NQO2: variants seen among roughly 807,000 people sequenced by gnomAD.
NQO2 encodes ribosyldihydronicotinamide dehydrogenase [quinone].
NQO2 carries 18 observed loss-of-function variants against 22.0 expected under a neutral mutation model. The observed-to-expected ratio is 0.82, with a 90% CI of 0.56 to 1.21. The LOEUF is 1.21. Ranked by LOEUF, NQO2 falls within the 50% of genes most tolerant of loss-of-function variation. The pLI, the probability that NQO2 is intolerant of heterozygous loss-of-function variation, is 0.00. For missense variants in NQO2, 267 were observed against 286.9 expected, an observed-to-expected ratio of 0.93 and a Z score of 0.50; for synonymous variants, 106 against 110.8, an observed-to-expected ratio of 0.96 and a Z score of 0.28.
At chr6:3,016,115 A>G (rs1446965319) in intron 5 of NQO2, among the ~76,000 whole-genome samples, 2 of 152,210 alleles carry the variant, frequency 1.3e-5, no homozygotes, top group African/African-American at 4.8e-5. Flanking sequence ...CACATGTGGT[A>G]GCTATGAATT....
chr6:3,006,416 C>A lies in NQO2; in HGVS notation c.-85-52C>A. The A allele has an allele frequency of 6.6e-7, 1 of 1,508,332 alleles. No individual in the cohort carries two copies. The highest frequency in any genetic ancestry group is 2.5e-5 in the East Asian group (1 of 40,014). 93.4% of individuals were successfully genotyped at this position (1,508,332 alleles called of 1,614,324 possible). A position where few individuals can be genotyped will look rare whatever the true frequency, so the allele number is the denominator to read the frequency against. On this transcript the variant is annotated intron_variant, in intron 1 of 6. Transcript: ENST00000380455. This position sits in a 1 kb window ranked among gnomAD's most constrained non-coding sequence, Gnocchi z 4.0. ...CAGTGATGCCTAGATGTGGTACATT[C>A]GACCTCACCTATGCCTCTCCCCACC... is the stretch of plus-strand genomic sequence containing the variant.
At chr6:3,002,554 C>T (rs1053373374) in intron 1 of NQO2, among the ~76,000 whole-genome samples, 3 of 152,222 alleles carry the variant, frequency 2.0e-5, no homozygotes, top group South Asian at 4.1e-4. Context: ...AGGTGATCCC[C>T]CCACCTCGGC....
At position 3,017,025 on chromosome 6, in the gene NQO2, C is replaced by CGCACACACAGACACACACAT. The variant is rs1212166750; in HGVS notation, c.519+48_519+67dup. The stretch of plus-strand genomic sequence containing the variant: ...AGTGGCTCCCTTGCTTGTTGGCACA[C>CGCACACACAGACACACACAT]GCACACACAGACACACACATGCACA... On this transcript the variant is annotated intron_variant, in intron 6 of 6. Coordinates refer to ENST00000380455, the MANE Select transcript of NQO2 (RefSeq NM_000904.6). 9 of 1,603,592 alleles carry CGCACACACAGACACACACAT rather than the reference C, an allele frequency of 5.6e-6. No homozygotes were observed. In the East Asian group the frequency reaches 1.8e-4, roughly 32 times the overall value.
At chr6:3,005,811 A>G (rs1756932851) in intron 1 of NQO2, 5 of 985,306 alleles carry the variant, frequency 5.1e-6, no homozygotes, top group African/African-American at 1.7e-5. Context: ...CTTCTGGGCC[A>G]TGCTGTGACT....
rs576356635 is a variant in NQO2, at chr6:3,010,904, G to C, written c.172+715G>C. ...GTTACTAGAGCTGAGGCAAACGTGG[G>C]CATAAACCACCATCTAGTGCCAAAA... On this transcript the variant is annotated intron_variant, in intron 3 of 6. Coordinates refer to ENST00000380455, the MANE Select transcript of NQO2 (RefSeq NM_000904.6). Among the ~76,000 whole-genome samples, 14 of 151,782 alleles carry C rather than the reference G, an allele frequency of 9.2e-5. No individual in the cohort carries two copies. The South Asian group carries it at 2.1e-3, about 23-fold the overall frequency.
At chr6:3,004,569 G>A (rs915278309) in intron 1 of NQO2, 11 of 985,520 alleles carry the variant, frequency 1.1e-5, no homozygotes, top group Non-Finnish European at 1.2e-5. Flanking sequence ...CCCCAGCCCT[G>A]TGCCTGTGCT....
At chr6:3,010,001 G>T in intron 2 of NQO2, 24 bp from the exon 3 acceptor site, 1 of 1,593,324 alleles carries the variant, frequency 6.3e-7, no homozygotes, top group South Asian at 1.1e-5. Context: ...TCTTCAAGAG[G>T]AACTGTTTCT....
chr6:3,018,871 CAAA>C (rs541061811), intron 6 of NQO2, among the ~76,000 whole-genome samples: 1 of 140,250 alleles, frequency 7.1e-6, no homozygotes. Context: ...ATATTATGGC[CAAA>C]AAAAAAAGAG....
chr6:3,003,344 G>C (rs1756804715), intron 1 of NQO2, among the ~76,000 whole-genome samples: 1 of 151,024 alleles, frequency 6.6e-6, no homozygotes, highest in African/African-American at 2.5e-5. Flanking sequence ...AACTAGACAA[G>C]TAACTTGTTC....
intron 5 of NQO2, chr6:3,016,679 G>C (rs147123596): frequency 5.7e-6 from 5 of 879,768 alleles, no homozygotes; most frequent in Middle Eastern, 5.8e-4. Flanking sequence ...TTCTGTGTCT[G>C]CTTGGTCCAT....
chr6:3,009,119 G>A (rs567602079), intron 2 of NQO2, among the ~76,000 whole-genome samples: 1 of 152,158 alleles, frequency 6.6e-6, no homozygotes, highest in Non-Finnish European at 1.5e-5. Context: ...ACGGGAGACT[G>A]GGGCTTATTT....
chr6:3,019,335 GCTTT>G, intron 6 of NQO2, 140 bp from the exon 7 acceptor site: 2 of 1,397,220 alleles, frequency 1.4e-6, no homozygotes, highest in Non-Finnish European at 1.9e-6. Flanking sequence ...GGGAAGTTTA[GCTTT>G]CAGTTGCCTG....
rs80221720 is a variant in NQO2 at position 3,012,106 on chromosome 6, C to T, written c.173-438C>T. Among the ~76,000 whole-genome samples the T allele has an allele frequency of 8.3e-4, 126 of 152,302 alleles. 1 individual carries two copies. The highest frequency in any genetic ancestry group is 1.5e-3 in the Non-Finnish European group (105 of 68,034). On this transcript the variant is annotated intron_variant, in intron 3 of 6. Coordinates refer to ENST00000380455, the MANE Select transcript of NQO2 (RefSeq NM_000904.6). Reference sequence around the variant, plus strand: ...ATCAAAAACAATAATCACTACGTGACCTGTTAAGAGCCAAAGATAAGCAAT... The same window carrying T: ...ATCAAAAACAATAATCACTACGTGATCTGTTAAGAGCCAAAGATAAGCAAT...
chr6:3,004,416 C>T (rs1581319083), intron 1 of NQO2: 2 of 985,528 alleles, frequency 2.0e-6, no homozygotes, highest in Admixed American at 1.2e-4. Flanking sequence ...TGACAGTGCC[C>T]CACTCTGTTA....
rs976357819 is a variant in NQO2 at position 3,012,931 on chromosome 6, G to A, written c.303+257G>A. On this transcript the variant is annotated intron_variant, in intron 4 of 6. Transcript: ENST00000380455. The stretch of plus-strand genomic sequence containing the variant: ...TACAACACTACTTTAAACACTGTAC[G>A]TAGATGTAACACTACTTTTTTTTTT... Among the ~76,000 whole-genome samples the A allele has an allele frequency of 5.0e-5, 7 of 139,126 alleles. No homozygotes were observed. The East Asian group carries it at 8.6e-4, about 17-fold the overall frequency. The allele number at this position is 139,126 out of a possible 152,430, so 91.3% of individuals were successfully genotyped here.
rs1270691014 is a variant in NQO2 at position 3,006,662 on chromosome 6, C to T, written c.7+103C>T. On this transcript the variant is annotated intron_variant, in intron 2 of 6. Coordinates refer to ENST00000380455, the MANE Select transcript of NQO2 (RefSeq NM_000904.6). The surrounding 1 kb of genome is among the most constrained non-coding windows in gnomAD (Gnocchi z 4.0). ...AACTCCTGAGCTCAAGTGACCCTCC[C>T]ACATTGACCTTCCAGGTGGGAGTTA... 2 of 1,193,700 alleles carry T rather than the reference C, an allele frequency of 1.7e-6. No individual in the cohort carries two copies. The highest frequency in any genetic ancestry group is 1.1e-6 in the Non-Finnish European group (1 of 875,022). 73.9% of individuals were successfully genotyped at this position (1,193,700 alleles called of 1,614,324 possible).
chr6:3,001,103 T>G (rs1179464382), intron 1 of NQO2, among the ~76,000 whole-genome samples: 59 of 150,614 alleles, frequency 3.9e-4, no homozygotes, highest in Non-Finnish European at 2.1e-4. Context: ...TTTTTTTTTT[T>G]TTTGAGATGG....
intron 3 of NQO2, 124 bp from the exon 4 acceptor site, chr6:3,012,420 T>C (rs1757163662): frequency 1.3e-6 from 2 of 1,488,906 alleles, no homozygotes; most frequent in African/African-American, 2.8e-5. Flanking sequence ...CAGCTTCTGG[T>C]CAGGTTGCAG....
intron 3 of NQO2, among the ~76,000 whole-genome samples, chr6:3,010,406 C>G (rs373341533): frequency 1.3e-5 from 2 of 151,622 alleles, no homozygotes; most frequent in East Asian, 3.9e-4. Context: ...GAAACAACTC[C>G]AAGCAGACGG....
Sources: allele counts gnomAD v4.1 joint callset (sites outside exome capture counted in the v4.1 genomes callset), GRCh38; gene constraint gnomAD v4.1.1; non-coding constraint Gnocchi (gnomAD v3.1); transcripts MANE v1.5; gene names NCBI Gene and HGNC (gene_info 2026-07-23, HGNC 2026-07-21).